ZBTB20: variants seen among roughly 807,000 people sequenced by gnomAD.
The protein encoded by ZBTB20 is zinc finger and BTB domain containing 20, also known as zinc finger and BTB domain-containing protein 20.
ZBTB20 carries 9 observed loss-of-function variants against 56.9 expected under a neutral mutation model. The ratio of observed to expected loss-of-function variants is 0.16; its 90% CI spans 0.10 to 0.28. The LOEUF is 0.28. ZBTB20 is among the 10% of genes least tolerant of loss of function. The pLI is 1.00. For synonymous variants in ZBTB20, 417 were observed against 420.7 expected (o/e 0.99, Z 0.11); for missense variants, 655 against 1,003.0 (o/e 0.65, Z 4.69).
At chr3:114,859,572 GTTTTT>G (rs59741665) in intron 4 of ZBTB20, among the ~76,000 whole-genome samples, 33 of 116,606 alleles carry the variant, frequency 2.8e-4, no homozygotes, top group Middle Eastern at 3.9e-3. Context: ...TTCTTATGGC[GTTTTT>G]TTTTTTTTTT....
intron 5 of ZBTB20, among the ~76,000 whole-genome samples, chr3:114,726,911 CAAAAAAAA>C (rs35565597): frequency 2.0e-5 from 1 of 49,304 alleles, no homozygotes; most frequent in Non-Finnish European, 3.2e-5. Context: ...GACTCCATCA[CAAAAAAAA>C]AAAAAAAAAA....
intron 6 of ZBTB20, among the ~76,000 whole-genome samples, chr3:114,538,155 G>C (rs1055174432): frequency 1.3e-5 from 2 of 151,980 alleles, no homozygotes; most frequent in African/African-American, 4.8e-5. Context: ...AAGATCTAAT[G>C]GCTAAACCTA....
In ZBTB20 at chr3:114,325,317, A is replaced by G. The variant is rs2079027978; in HGVS notation, c.*13688T>C. 1 of 152,198 alleles carries G rather than the reference A, an allele frequency of 6.6e-6. No individual in the cohort carries two copies. The highest frequency in any genetic ancestry group is 2.1e-4 in the South Asian group (1 of 4,834). The allele number at this position is 152,198 out of a possible 1,614,324, so 9.4% of individuals were successfully genotyped here. ...AGTTTGTCCCAAGGAGAGCAAGAGC[A>G]GAGTAACTAGCCTTTGTTTTCAAAG... On this transcript the variant is annotated 3_prime_UTR_variant, in exon 12 of 12. Coordinates refer to ENST00000675478, the MANE Select transcript of ZBTB20 (RefSeq NM_001348800.3).
At chr3:114,544,399 T>A (rs908750935) in intron 6 of ZBTB20, among the ~76,000 whole-genome samples, 2 of 150,178 alleles carry the variant, frequency 1.3e-5, no homozygotes, top group Non-Finnish European at 3.0e-5. Context: ...TCTTAAAAAC[T>A]AGATTTCTTC....
At chr3:114,974,660 T>C (rs923350285) in intron 2 of ZBTB20, among the ~76,000 whole-genome samples, 4 of 152,186 alleles carry the variant, frequency 2.6e-5, no homozygotes, top group African/African-American at 9.6e-5. Context: ...TTTGCTATAG[T>C]ATCATAAGAA....
intron 6 of ZBTB20, among the ~76,000 whole-genome samples, chr3:114,534,078 A>C (rs907423827): frequency 2.6e-5 from 4 of 152,216 alleles, no homozygotes; most frequent in Non-Finnish European, 4.4e-5. Flanking sequence ...AAACTGCATC[A>C]ACTAATGGGC....
At position 114,671,595 on chromosome 3, in the gene ZBTB20, AT is replaced by A. The variant is rs570351481; in HGVS notation, c.-295+21932del. Among the ~76,000 whole-genome samples, 256 of 145,416 alleles carry A rather than the reference AT, an allele frequency of 1.8e-3. 1 individual carries two copies. Among genetic ancestry groups the A allele is most frequent in the East Asian group, 3.8e-3 (19 of 5,034 alleles). ...CCTTCCCTGCCAATAAATAAATGCC[AT>A]TTTTTTTTTTTACCTCACTGTTAAA... On this transcript the variant is annotated intron_variant, in intron 6 of 11. Coordinates refer to ENST00000675478, the MANE Select transcript of ZBTB20 (RefSeq NM_001348800.3).
chr3:114,619,694 A>C (rs897092447), intron 6 of ZBTB20, among the ~76,000 whole-genome samples: 3 of 152,166 alleles, frequency 2.0e-5, no homozygotes, highest in Non-Finnish European at 2.9e-5. Context: ...ATGAAACAGC[A>C]CTAAGTGATT....
rs1404029771 is a variant in ZBTB20 at position 114,938,797 on chromosome 3, C to T, written c.-456+35569G>A. ...GTAACAAACCTGCAAATTCTGCACA[C>T]ATATCCCAGAACTTAAAAGTATAAT... On this transcript the variant is annotated intron_variant, in intron 3 of 11. Transcript: ENST00000675478. Among the ~76,000 whole-genome samples, 2 of 145,122 alleles carry T rather than the reference C, an allele frequency of 1.4e-5. 1 individual carries two copies. Among genetic ancestry groups the T allele is most frequent in the African/African-American group, 5.7e-5 (2 of 34,992 alleles).
intron 7 of ZBTB20, among the ~76,000 whole-genome samples, chr3:114,486,140 G>GGGA (rs1553726977): frequency 8.3e-6 from 1 of 120,650 alleles, no homozygotes. Flanking sequence ...GTGTGTGTGG[G>GGGA]GGGGGGGGGC....
chr3:114,749,276 G>A (rs955860916), intron 5 of ZBTB20, among the ~76,000 whole-genome samples: 2 of 152,152 alleles, frequency 1.3e-5, no homozygotes, highest in African/African-American at 4.8e-5. Context: ...ATTGGCAGCT[G>A]GGTGCGGTGG....
At chr3:114,570,546 A>G (rs1333954333) in intron 6 of ZBTB20, among the ~76,000 whole-genome samples, 2 of 152,118 alleles carry the variant, frequency 1.3e-5, no homozygotes, top group Non-Finnish European at 2.9e-5. Flanking sequence ...TGTCAAAGAT[A>G]ATTCAGACAG....
intron 6 of ZBTB20, among the ~76,000 whole-genome samples, chr3:114,684,360 C>A (rs1471933169): frequency 6.6e-6 from 1 of 152,082 alleles, no homozygotes; most frequent in Non-Finnish European, 1.5e-5. Flanking sequence ...ATTCTGAATT[C>A]ATAGCATTAA....
At chr3:114,911,330 G>A (rs774600735) in intron 3 of ZBTB20, among the ~76,000 whole-genome samples, 90 of 152,102 alleles carry the variant, frequency 5.9e-4, no homozygotes, top group Non-Finnish European at 7.1e-4. Flanking sequence ...AAGAAGTCAT[G>A]CACACTAATG....
intron 2 of ZBTB20, among the ~76,000 whole-genome samples, chr3:115,002,460 C>T (rs554997874): frequency 4.0e-5 from 6 of 151,542 alleles, no homozygotes; most frequent in Non-Finnish European, 5.9e-5. Context: ...TTCTGATATT[C>T]GACCGTCATC....
At chr3:114,881,776 G>A (rs939779703) in intron 4 of ZBTB20, among the ~76,000 whole-genome samples, 3 of 151,624 alleles carry the variant, frequency 2.0e-5, no homozygotes, top group Non-Finnish European at 3.0e-5. Flanking sequence ...TAAAATTCAT[G>A]AAATTTCAAA....
intron 4 of ZBTB20, among the ~76,000 whole-genome samples, chr3:114,814,806 C>G (rs1393916334): frequency 3.3e-5 from 5 of 152,196 alleles, no homozygotes; most frequent in Non-Finnish European, 5.9e-5. Flanking sequence ...GCACCTAGTC[C>G]AGGAGTGTGT....
At chr3:114,967,322 A>T (rs2077686659) in intron 3 of ZBTB20, among the ~76,000 whole-genome samples, 2 of 152,216 alleles carry the variant, frequency 1.3e-5, no homozygotes, top group African/African-American at 4.8e-5. Flanking sequence ...TTTTTATCCA[A>T]TAAAAAACAT....
At chr3:114,517,898 T>C (rs1306120454) in intron 6 of ZBTB20, among the ~76,000 whole-genome samples, 1 of 152,024 alleles carries the variant, frequency 6.6e-6, no homozygotes, top group Non-Finnish European at 1.5e-5. Context: ...TTTTAAGCGC[T>C]TACTGTATAC....
Sources: gnomAD v4.1 joint callset for allele counts (sites outside exome capture counted in the v4.1 genomes callset) on GRCh38, gnomAD v4.1.1 for gene constraint, MANE v1.5 for transcripts, NCBI Gene and HGNC (gene_info 2026-07-23, HGNC 2026-07-21) for gene names.